Variants in BABAM2 observed in about 807,000 individuals in gnomAD.
BABAM2 encodes the protein BRISC and BRCA1 A complex member 2, also known as BRISC and BRCA1-A complex member 2.
In BABAM2, 31 loss-of-function variants were observed where a neutral mutation model predicts 54.7. The observed-to-expected ratio is 0.57, with a 90% CI of 0.43 to 0.77. The LOEUF is 0.77. Among genes scored for constraint, BABAM2 ranks in the 30% least tolerant of loss-of-function variants. The pLI, the probability that BABAM2 is intolerant of heterozygous loss-of-function variation, is 0.00. For missense variants in BABAM2, 364 were observed against 455.8 expected (o/e 0.80, Z 1.83); for synonymous variants, 167 against 162.9 (o/e 1.03, Z -0.19).
intron 2 of BABAM2, among the ~76,000 whole-genome samples, chr2:27,914,068 A>G (rs1164798212): frequency 6.6e-6 from 1 of 152,088 alleles, no homozygotes; most frequent in Non-Finnish European, 1.5e-5. Context: ...ATTAAAGTAT[A>G]ACATTGTTTT....
intron 2 of BABAM2, among the ~76,000 whole-genome samples, chr2:27,907,529 A>G (rs1666271676): frequency 6.6e-6 from 1 of 152,224 alleles, no homozygotes; most frequent in Non-Finnish European, 1.5e-5. Flanking sequence ...GTGGTAAAAT[A>G]TACATAACAT....
At chr2:28,161,868 T>A (rs1274184396) in intron 7 of BABAM2, among the ~76,000 whole-genome samples, 1 of 152,068 alleles carries the variant, frequency 6.6e-6, no homozygotes, top group Non-Finnish European at 1.5e-5. Context: ...AGGGCAGAGA[T>A]CTTTAATTAT....
intron 2 of BABAM2, among the ~76,000 whole-genome samples, chr2:27,905,845 G>C (rs538604095): frequency 2.0e-5 from 3 of 152,150 alleles, no homozygotes; most frequent in Non-Finnish European, 2.9e-5. Flanking sequence ...GCAAATCTAC[G>C]GAGGTAGGAG....
intron 7 of BABAM2, among the ~76,000 whole-genome samples, chr2:28,169,695 G>A (rs1392695110): frequency 1.3e-5 from 2 of 151,448 alleles, no homozygotes; most frequent in Non-Finnish European, 2.9e-5. Flanking sequence ...AGGATCACTT[G>A]AGTCCAAGAG....
chr2:27,973,079 C>T (rs1164483200), intron 3 of BABAM2, among the ~76,000 whole-genome samples: 1 of 151,914 alleles, frequency 6.6e-6, no homozygotes, highest in East Asian at 1.9e-4. Flanking sequence ...TAATTATTAG[C>T]TTTAATTACC....
At chr2:28,319,467 C>A (rs1007310930) in intron 11 of BABAM2, among the ~76,000 whole-genome samples, 1 of 152,254 alleles carries the variant, frequency 6.6e-6, no homozygotes, top group Admixed American at 6.5e-5. Context: ...AAATGCACAG[C>A]TCCCTGCGCC....
chr2:27,924,422 T>C (rs1667534600), intron 2 of BABAM2, among the ~76,000 whole-genome samples: 1 of 151,844 alleles, frequency 6.6e-6, no homozygotes, highest in Non-Finnish European at 1.5e-5. Context: ...TCTCGCTCTG[T>C]TGCCCAGGCT....
At chr2:28,269,301 G>T (rs754156345) in intron 10 of BABAM2, among the ~76,000 whole-genome samples, 1 of 152,062 alleles carries the variant, frequency 6.6e-6, no homozygotes, top group African/African-American at 2.4e-5. Flanking sequence ...CTCCATCTTG[G>T]AAGTATTCGC....
intron 2 of BABAM2, among the ~76,000 whole-genome samples, chr2:27,906,356 C>A (rs1030659199): frequency 6.6e-6 from 1 of 152,150 alleles, no homozygotes; most frequent in African/African-American, 2.4e-5. Flanking sequence ...TTCTTTTCTA[C>A]CCTGGGTAGT....
intron 2 of BABAM2, among the ~76,000 whole-genome samples, chr2:27,917,929 T>A (rs1371187114): frequency 6.6e-6 from 1 of 152,178 alleles, no homozygotes; most frequent in Non-Finnish European, 1.5e-5. Flanking sequence ...GAAATGCTTT[T>A]GTCGTAAATT....
At chr2:28,335,624 G>A (rs112864540) in intron 11 of BABAM2, among the ~76,000 whole-genome samples, 2,258 of 152,336 alleles carry the variant, frequency 0.015, 62 homozygotes, top group African/African-American at 0.052. Flanking sequence ...ATGTGCTCCC[G>A]CTTTCCAGGG....
chr2:28,237,341 C>G, intron 8 of BABAM2, 40 bp downstream of exon 8: 7 of 1,558,330 alleles, frequency 4.5e-6, no homozygotes, highest in Non-Finnish European at 6.2e-6. Flanking sequence ...TATGAGATTT[C>G]TTCCTCCAGT....
intron 6 of BABAM2, among the ~76,000 whole-genome samples, chr2:28,089,132 A>G (rs1318320751): frequency 3.9e-5 from 6 of 152,208 alleles, no homozygotes; most frequent in African/African-American, 9.6e-5. Context: ...CCTGGCCCCA[A>G]GTGTCTGTGA....
intron 2 of BABAM2, among the ~76,000 whole-genome samples, chr2:27,905,420 G>A (rs146552088): frequency 6.6e-6 from 1 of 152,050 alleles, no homozygotes; most frequent in African/African-American, 2.4e-5. Flanking sequence ...ATAACCTTTC[G>A]GTGCTTCAGT....
intron 2 of BABAM2, among the ~76,000 whole-genome samples, chr2:27,928,865 C>A (rs1014874963): frequency 6.6e-6 from 1 of 151,186 alleles, no homozygotes; most frequent in South Asian, 2.1e-4. Flanking sequence ...TCTTGTACAG[C>A]AGATCTGTGA....
chr2:28,312,501 A>G (rs930731361), intron 11 of BABAM2, among the ~76,000 whole-genome samples: 2 of 152,336 alleles, frequency 1.3e-5, no homozygotes, highest in Admixed American at 6.5e-5. Context: ...CATTCTGACA[A>G]TGAGGCTATC....
intron 7 of BABAM2, among the ~76,000 whole-genome samples, chr2:28,179,176 A>G (rs545068871): frequency 6.6e-6 from 1 of 152,294 alleles, no homozygotes; most frequent in African/African-American, 2.4e-5. Flanking sequence ...CCAGACAAGA[A>G]TGTAACAAAA....
intron 6 of BABAM2, among the ~76,000 whole-genome samples, chr2:28,076,306 C>T (rs965721023): frequency 1.3e-5 from 2 of 151,562 alleles, no homozygotes; most frequent in African/African-American, 4.8e-5. Context: ...AAATCTCATC[C>T]CTGTTTTTAA....
At chr2:28,013,665 TAAAAAAAAAAAA>T (rs55636414) in intron 4 of BABAM2, among the ~76,000 whole-genome samples, 1 of 58,068 alleles carries the variant, frequency 1.7e-5, no homozygotes, top group Middle Eastern at 0.017. Flanking sequence ...GTCCAGCAAG[TAAAAAAAAAAAA>T]AAAAAAAAAA....
Sources: allele counts gnomAD v4.1 joint callset (sites outside exome capture counted in the v4.1 genomes callset), GRCh38; gene constraint gnomAD v4.1.1; transcripts MANE v1.5; gene names NCBI Gene and HGNC (gene_info 2026-07-23, HGNC 2026-07-21).